The following GRAMD4 variants were observed in gnomAD, a reference collection of about 807,000 sequenced individuals.
GRAMD4 encodes GRAM domain containing 4.
GRAMD4 carries 25 observed loss-of-function variants against 83.9 expected under a neutral mutation model. The ratio of observed to expected loss-of-function variants is 0.30; its 90% confidence interval spans 0.22 to 0.42. The LOEUF (loss-of-function observed/expected upper bound fraction) is 0.42, where lower values mean the gene tolerates loss of function less well. Among genes scored for constraint, GRAMD4 ranks in the 10% least tolerant of loss-of-function variants. The pLI is 1.00. For missense variants in GRAMD4, 593 were observed against 788.7 expected (o/e 0.75, Z 2.97); for synonymous variants, 336 against 320.9 (o/e 1.05, Z -0.50).
At position 46,614,792 on chromosome 22, in the gene GRAMD4, GAAGGTTCCCC is replaced by G. The variant is rs2081454101; in HGVS notation, c.-49-11958_-49-11949del. Among the ~76,000 whole-genome samples, 3 of 148,126 alleles carry G rather than the reference GAAGGTTCCCC, an allele frequency of 2.0e-5. No homozygotes were observed. In the South Asian group the frequency reaches 6.5e-4, roughly 32 times the overall value. On this transcript the variant is annotated intron_variant, in intron 1 of 1. Transcript: ENST00000431155. ...CCTGTGCGTGTAGGTTCCCCCGTGT[GAAGGTTCCCC>G]CGTGTGTAGGTTCCCCTGTGCTTTA... is the stretch of plus-strand genomic sequence containing the variant.
chr22:46,605,733 CGGTGCTG>C (rs2081358332), intron 1 of GRAMD4, among the ~76,000 whole-genome samples: 2 of 147,086 alleles, frequency 1.4e-5, no homozygotes, highest in Non-Finnish European at 3.0e-5. Flanking sequence ...GGCCTATGGC[CGGTGCTG>C]AGCATCTCTG....
At chr22:46,656,138 A>G (rs2082241488) in intron 3 of GRAMD4, among the ~76,000 whole-genome samples, 1 of 151,670 alleles carries the variant, frequency 6.6e-6, no homozygotes, top group Admixed American at 6.6e-5. Context: ...GCTGAAGGAC[A>G]CTGAAACCAT....
chr22:46,664,594 G>T (rs2082380007), intron 8 of GRAMD4, among the ~76,000 whole-genome samples: 1 of 152,232 alleles, frequency 6.6e-6, no homozygotes, highest in Non-Finnish European at 1.5e-5. Flanking sequence ...GGGAAAAGGT[G>T]CCCAGCCGTC....
chr22:46,677,826 G>A lies in GRAMD4; in HGVS notation c.*575G>A, dbSNP rs1018601329. On this transcript the variant is annotated 3_prime_UTR_variant, in exon 19 of 19. Coordinates refer to ENST00000406902, the MANE Select transcript of GRAMD4 (RefSeq NM_015124.5). ...TGGCATTTGCCCTTGGTGCCGGGCT[G>A]GGGCCGGGCGCAGTGACCCTGCCTG... is the stretch of plus-strand genomic sequence containing the variant. 4.0e-5 allele frequency: 39 copies of A among 985,564 alleles called. 1 individual carries two copies. The East Asian group carries it at 2.3e-3, about 57-fold the overall frequency. The allele number at this position is 985,564 out of a possible 1,614,324, so 61.1% of individuals were successfully genotyped here.
chr22:46,656,070 G>C (rs1211356630), intron 3 of GRAMD4, among the ~76,000 whole-genome samples: 1 of 152,074 alleles, frequency 6.6e-6, no homozygotes, highest in Non-Finnish European at 1.5e-5. Context: ...AGCCTCCACG[G>C]GGAGGGTCTT....
chr22:46,611,141 G>A (rs772578068), intron 1 of GRAMD4, among the ~76,000 whole-genome samples: 21 of 151,904 alleles, frequency 1.4e-4, no homozygotes, highest in Non-Finnish European at 2.1e-4. Flanking sequence ...ATTTGAACCC[G>A]GGAGACAGAG....
At position 46,668,183 on chromosome 22, in the gene GRAMD4, C is replaced by T; in HGVS notation, c.930+16C>T. On this transcript the variant is annotated intron_variant, in intron 11 of 18. Coordinates refer to ENST00000406902, the MANE Select transcript of GRAMD4 (RefSeq NM_015124.5). ...GAAAGCCCAGGTACTGCCACGGGCG[C>T]CGGCCAGGGGTGTGTCTGCGCCAGC... The T allele has an allele frequency of 6.3e-7, 1 of 1,595,452 alleles. No individual in the cohort carries two copies. The highest frequency in any genetic ancestry group is 8.6e-7 in the Non-Finnish European group (1 of 1,165,348).
At chr22:46,627,917 G>C (rs916164323) in intron 2 of GRAMD4, among the ~76,000 whole-genome samples, 1 of 152,194 alleles carries the variant, frequency 6.6e-6, no homozygotes, top group Non-Finnish European at 1.5e-5. Flanking sequence ...GCCGGGATCG[G>C]CCATCCCCAG....
chr22:46,651,035 C>T (rs1042122174), intron 3 of GRAMD4, among the ~76,000 whole-genome samples: 8 of 152,216 alleles, frequency 5.3e-5, no homozygotes, highest in South Asian at 2.1e-4. Flanking sequence ...CCTGGCCCAT[C>T]GGGTGGCCAT....
intron 3 of GRAMD4, among the ~76,000 whole-genome samples, chr22:46,646,965 G>A (rs1038258885): frequency 1.3e-5 from 2 of 152,168 alleles, no homozygotes; most frequent in Non-Finnish European, 1.5e-5. Flanking sequence ...ATCAGATCTC[G>A]TGAGACTCCT....
Position 46,581,459 on chromosome 22 carries a change from C to G in GRAMD4, c.-50+4169C>G, listed in dbSNP as rs1270202844. The stretch of plus-strand genomic sequence containing the variant: ...ATTTGCACGTGGGTGGCTTTGCCCC[C>G]AAGGCTATGCTCATAAACATTGCAG... On this transcript the variant is annotated intron_variant, in intron 1 of 1. Transcript: ENST00000431155. 2.0e-5 allele frequency among the ~76,000 whole-genome samples: 3 copies of G among 152,348 alleles called. No homozygotes were observed. In the East Asian group the frequency reaches 5.8e-4, roughly 29 times the overall value.
intron 1 of GRAMD4, among the ~76,000 whole-genome samples, chr22:46,606,003 T>C (rs1222844261): frequency 3.5e-5 from 1 of 28,690 alleles, no homozygotes. Flanking sequence ...GCTGAGCATC[T>C]CTGCATGGGT....
At chr22:46,669,565 GTC>G (rs201128265) in intron 13 of GRAMD4, among the ~76,000 whole-genome samples, 29 of 150,018 alleles carry the variant, frequency 1.9e-4, no homozygotes, top group Admixed American at 8.6e-4. Flanking sequence ...CTTTGTTTTT[GTC>G]TCTCTCTCTC....
chr22:46,661,934 C>T (rs1280113117), intron 5 of GRAMD4, among the ~76,000 whole-genome samples: 2 of 152,244 alleles, frequency 1.3e-5, no homozygotes, highest in Non-Finnish European at 2.9e-5. Context: ...TCTTGCCCCA[C>T]GCCCTGCAGG....
At position 46,672,820 on chromosome 22, in the gene GRAMD4, C is replaced by T; in HGVS notation, c.1085-23C>T. ...CATAGCTGCAGAGCTCTAGATGGAG[C>T]AGGCTGTGTCCCCTGCCCTCAGGAC... is the stretch of plus-strand genomic sequence containing the variant. On this transcript the variant is annotated intron_variant, in intron 13 of 18. Coordinates refer to ENST00000406902, the MANE Select transcript of GRAMD4 (RefSeq NM_015124.5). This position sits in a 1 kb window ranked among gnomAD's most constrained non-coding sequence, Gnocchi z 4.7. The T allele has an allele frequency of 1.9e-6, 3 of 1,596,514 alleles. No homozygotes were observed. The highest frequency in any genetic ancestry group is 1.7e-6 in the Non-Finnish European group (2 of 1,167,322).
downstream of GRAMD4, among the ~76,000 whole-genome samples, chr22:46,680,787 CACCTATCCATTCACCT>C (rs2082664475): frequency 7.3e-6 from 1 of 136,472 alleles, no homozygotes; most frequent in African/African-American, 3.0e-5. Context: ...TCCACCCACC[CACCTATCCATTCACCT>C]ACCCATCCAT....
rs888896429 is a variant in GRAMD4 at position 46,584,901 on chromosome 22, G to A, written c.-50+7611G>A. 1.3e-5 allele frequency among the ~76,000 whole-genome samples: 2 copies of A among 152,348 alleles called. 1 individual carries two copies. Reference sequence around the variant, plus strand: ...TCGGGGAAGGAGGAGAAAGGCTGCCGGCGGGACGCTTTAGAGCTCAGACAA... The same window carrying A: ...TCGGGGAAGGAGGAGAAAGGCTGCCAGCGGGACGCTTTAGAGCTCAGACAA... On this transcript the variant is annotated intron_variant, in intron 1 of 1. Coordinates refer to the GRAMD4 transcript ENST00000431155.
intron 2 of GRAMD4, among the ~76,000 whole-genome samples, chr22:46,630,305 C>T (rs917512890): frequency 3.9e-5 from 6 of 152,202 alleles, no homozygotes; most frequent in South Asian, 4.1e-4. Flanking sequence ...GGATTACAGA[C>T]GTGAGCCACC....
At chr22:46,680,124 G>GCAGAGGCAGTGCCTTGGGGT (rs1317121670), downstream of GRAMD4, among the ~76,000 whole-genome samples, 3 of 152,222 alleles carry the variant, frequency 2.0e-5, no homozygotes, top group African/African-American at 7.2e-5. Context: ...GGAGGTTGAG[G>GCAGAGGCAGTGCCTTGGGGT]CAGAGGCAGT....
Sources: gnomAD v4.1 joint callset for allele counts (sites outside exome capture counted in the v4.1 genomes callset) on GRCh38, gnomAD v4.1.1 for gene constraint, Gnocchi (gnomAD v3.1) non-coding constraint, MANE v1.5 for transcripts, NCBI Gene and HGNC (gene_info 2026-07-23, HGNC 2026-07-21) for gene names.